MYCBP2: variants seen among roughly 807,000 people sequenced by gnomAD.
MYCBP2 encodes the protein MYC binding protein 2, also known as E3 ubiquitin-protein ligase MYCBP2.
MYCBP2 carries 120 observed loss-of-function variants against 525.3 expected under a neutral mutation model. That is an observed-to-expected ratio of 0.23 (90% confidence interval 0.20 to 0.27). The LOEUF is 0.27. Among genes scored for constraint, MYCBP2 ranks in the 10% least tolerant of loss-of-function variants. The probability of loss-of-function intolerance (pLI) is 1.00; values close to 1 mark genes in which losing one functional copy is unlikely to be tolerated. For missense variants in MYCBP2, 4,149 were observed against 5,657.1 expected (o/e 0.73, Z 8.55); for synonymous variants, 1,894 against 1,955.8 (o/e 0.97, Z 0.83).
In MYCBP2 at chr13:77,126,442, C is replaced by T. The variant is rs1566626853; in HGVS notation, c.7760G>A (p.Gly2587Glu). The T allele has an allele frequency of 6.2e-7, 1 of 1,613,930 alleles. No homozygotes were observed. The highest frequency in any genetic ancestry group is 8.5e-7 in the Non-Finnish European group (1 of 1,179,878). ...CTTCACTACCTTGTACATGCCTGGC[C>T]CTCCTCGCAAGAATGGCATATCTTG... ...QEQDMPFLRG[G>E]PGMYKVVKTG... The change falls in exon 53 of 83, where the codon GGG becomes GAG. Residue 2587 changes from glycine to glutamate, a missense_variant. By Grantham distance (98) the Gly-to-Glu change is moderately conservative. This residue lies in a region of MYCBP2 where 692 missense variants were observed against 852.7 expected (regional missense o/e 0.81). Transcript: ENST00000544440.
chr13:77,294,107 T>TATATATATATATATATATATATATAC (rs1555465496), intron 2 of MYCBP2, among the ~76,000 whole-genome samples: 5 of 43,904 alleles, frequency 1.1e-4, no homozygotes, highest in Non-Finnish European at 3.3e-4. Context: ...ATAATGGCTA[T>TATATATATATATATATATATATATAC]ATATATATAT....
chr13:77,067,387 G>C (rs2040388965), intron 71 of MYCBP2, among the ~76,000 whole-genome samples, 194 bp downstream of exon 71: 2 of 152,026 alleles, frequency 1.3e-5, no homozygotes, highest in South Asian at 4.1e-4. Flanking sequence ...CACATATTCA[G>C]CCTACTTTCT....
intron 5 of MYCBP2, chr13:77,272,455 T>C (rs1279348899): frequency 6.6e-6 from 1 of 152,220 alleles, no homozygotes; most frequent in African/African-American, 2.4e-5. Context: ...GTGGTCACTA[T>C]CCTATTAAAA....
chr13:77,217,964 TAA>T lies in MYCBP2; in HGVS notation c.2940-9_2940-8del, dbSNP rs374242789. 25,842 of 1,328,874 alleles carry T rather than the reference TAA, an allele frequency of 0.019. No individual in the cohort carries two copies. Among genetic ancestry groups the T allele is most frequent in the South Asian group, 0.035 (2,516 of 71,132 alleles). The allele number at this position is 1,328,874 out of a possible 1,614,324, so 82.3% of individuals were successfully genotyped here. The stretch of plus-strand genomic sequence containing the variant: ...AACAAGAGTGGGACATCCCCTAGGT[TAA>T]AAAAAAAAAAAGTAAGTCAATTTCT... On this transcript the variant is annotated splice_region_variant and splice_polypyrimidine_tract_variant and intron_variant, in intron 20 of 82. Transcript: ENST00000544440.
intron 45 of MYCBP2, 120 bp downstream of exon 45, chr13:77,157,817 A>T: frequency 1.3e-6 from 1 of 785,456 alleles, no homozygotes; most frequent in Non-Finnish European, 2.0e-6. Context: ...TCAGCAAGTT[A>T]AACATACATA....
intron 50 of MYCBP2, 94 bp downstream of exon 50, chr13:77,140,752 A>C: frequency 2.3e-6 from 2 of 869,126 alleles, no homozygotes; most frequent in Non-Finnish European, 3.8e-6. Context: ...TCCTGAAATC[A>C]AGTAAAATGT....
chr13:77,072,313 AAAAAG>A lies in MYCBP2; in HGVS notation c.11824-1607_11824-1603del, dbSNP rs1185926106. ...TTCAAAAAAAAAGAAAAAAAAAAAA[AAAAAG>A]AAATCAAATGGGAATAAGAAAACTA... is the stretch of plus-strand genomic sequence containing the variant. On this transcript the variant is annotated intron_variant, in intron 68 of 82. Transcript: ENST00000544440. Among the ~76,000 whole-genome samples, 3 of 49,434 alleles carry A rather than the reference AAAAAG, an allele frequency of 6.1e-5. No individual in the cohort carries two copies. In the Admixed American group the frequency reaches 7.9e-4, roughly 13 times the overall value. The allele number at this position is 49,434 out of a possible 152,430, so 32.4% of individuals were successfully genotyped here.
chr13:77,247,014 T>C (rs1204309427), intron 15 of MYCBP2, among the ~76,000 whole-genome samples: 2 of 152,168 alleles, frequency 1.3e-5, no homozygotes, highest in Admixed American at 6.5e-5. Flanking sequence ...AACATCATAA[T>C]GGTGAGAGAC....
intron 8 of MYCBP2, 35 bp downstream of exon 8, chr13:77,267,806 T>C (rs139759478): frequency 4.7e-5 from 70 of 1,480,360 alleles, no homozygotes; most frequent in Non-Finnish European, 5.9e-5. Flanking sequence ...TTCTTAAAAT[T>C]GCTTGTGGAG....
chr13:77,061,134 T>C, intron 76 of MYCBP2, 35 bp downstream of exon 76: 1 of 1,578,666 alleles, frequency 6.3e-7, no homozygotes, highest in African/African-American at 1.4e-5. Flanking sequence ...TTTTTGTGGG[T>C]TTTAAAGGCA....
At chr13:77,250,241 A>G (rs1036320731) in intron 15 of MYCBP2, among the ~76,000 whole-genome samples, 1 of 147,236 alleles carries the variant, frequency 6.8e-6, no homozygotes, top group African/African-American at 2.5e-5. Flanking sequence ...AAAAAAAATC[A>G]TATCTCAGCA....
intron 22 of MYCBP2, 120 bp downstream of exon 22, chr13:77,211,836 C>T: frequency 3.9e-6 from 3 of 775,874 alleles, no homozygotes; most frequent in Non-Finnish European, 6.1e-6. Context: ...GTTTAAATTT[C>T]TTTGAGCAGA....
At chr13:77,270,964 C>T (rs2074801262) in intron 5 of MYCBP2, among the ~76,000 whole-genome samples, 1 of 152,006 alleles carries the variant, frequency 6.6e-6, no homozygotes, top group Non-Finnish European at 1.5e-5. Context: ...CCATCTTCAA[C>T]CATATTATAC....
chr13:77,214,330 C>T (rs1593983700), intron 21 of MYCBP2, among the ~76,000 whole-genome samples: 1 of 152,164 alleles, frequency 6.6e-6, no homozygotes. Context: ...CTCAAAGATA[C>T]ACCTCTAACA....
chr13:77,135,546 C>T lies in MYCBP2; in HGVS notation c.7659+3650G>A, dbSNP rs116613331. 3.3e-3 allele frequency among the ~76,000 whole-genome samples: 501 copies of T among 152,316 alleles called. 3 individuals carry two copies. Among genetic ancestry groups the T allele is most frequent in the African/African-American group, 0.011 (441 of 41,574 alleles). ...TACAGAAAATCATACCTGTCCCTGC[C>T]TATGCCAGGCCTCTGACTCTGTATG... On this transcript the variant is annotated intron_variant, in intron 52 of 82. Transcript: ENST00000544440.
chr13:77,144,154 GGGAGAGACA>G, intron 49 of MYCBP2: 1 of 362,832 alleles, frequency 2.8e-6, no homozygotes, highest in Non-Finnish European at 5.1e-6. Flanking sequence ...ACACCCACAG[GGGAGAGACA>G]GGGTAACAGC....
intron 71 of MYCBP2, among the ~76,000 whole-genome samples, chr13:77,066,814 G>C (rs2040285281): frequency 6.6e-6 from 1 of 152,024 alleles, no homozygotes; most frequent in Admixed American, 6.5e-5. Flanking sequence ...TTAGTAGTGA[G>C]GTGTTTTCAT....
At chr13:77,157,623 A>G (rs1319520279) in intron 45 of MYCBP2, among the ~76,000 whole-genome samples, 1 of 151,990 alleles carries the variant, frequency 6.6e-6, no homozygotes, top group South Asian at 2.1e-4. Context: ...GTGGTGGCAT[A>G]TCTGTAATCC....
At position 77,176,623 on chromosome 13, in the gene MYCBP2, T is replaced by C; in HGVS notation, c.5346A>G (p.Glu1782=). The C allele has an allele frequency of 6.5e-7, 1 of 1,530,904 alleles. No homozygotes were observed. The highest frequency in any genetic ancestry group is 2.3e-5 in the East Asian group (1 of 43,774). The allele number at this position is 1,530,904 out of a possible 1,614,324, so 94.8% of individuals were successfully genotyped here. The change falls in exon 36 of 83, where the codon GAA becomes GAG. Residue 1782 remains glutamate (E), a synonymous_variant. Coordinates refer to ENST00000544440, the MANE Select transcript of MYCBP2 (RefSeq NM_015057.5). ...YELEVLVDDS[E]HAGDSTHSHR... is the part of the protein sequence containing the mutation. ...GGGAATGAGTTGAATCTCCTGCATG[T>C]TCACTCTAAAAAAAAAAAATGAAAC...
Sources: allele counts gnomAD v4.1 joint callset (sites outside exome capture counted in the v4.1 genomes callset), GRCh38; gene constraint gnomAD v4.1.1; regional missense constraint gnomAD v4.1.1; transcripts MANE v1.5; gene names NCBI Gene and HGNC (gene_info 2026-07-23, HGNC 2026-07-21).